POM121C: variants seen among roughly 807,000 people sequenced by gnomAD.
POM121C encodes the protein POM121 transmembrane nucleoporin C.
In POM121C, 20 loss-of-function variants were observed where a neutral mutation model predicts 66.4. The ratio of observed to expected loss-of-function variants is 0.30; its 90% confidence interval spans 0.21 to 0.44. The LOEUF is 0.44. POM121C is among the 20% of genes least tolerant of loss of function. The pLI, the probability that POM121C is intolerant of heterozygous loss-of-function variation, is 1.00. For missense variants in POM121C, 580 were observed against 1,225.7 expected (o/e 0.47, Z 7.87); for synonymous variants, 286 against 528.0 (o/e 0.54, Z 6.28).
intron 3 of POM121C, among the ~76,000 whole-genome samples, chr7:75,467,798 T>G (rs1554478071): frequency 6.6e-6 from 1 of 152,028 alleles, no homozygotes; most frequent in African/African-American, 2.4e-5. Context: ...ATTGAGCACC[T>G]ACCTATGTGT....
At chr7:75,424,483 A>T in intron 11 of POM121C, 43 bp downstream of exon 11, 1 of 1,593,596 alleles carries the variant, frequency 6.3e-7, no homozygotes, top group Non-Finnish European at 8.6e-7. Flanking sequence ...AAGAAAACAG[A>T]CACCTGAAAC....
chr7:75,480,965 G>A (rs3100020), intron 1 of POM121C, among the ~76,000 whole-genome samples: 1 of 113,684 alleles, frequency 8.8e-6, no homozygotes, highest in African/African-American at 3.3e-5. Flanking sequence ...TTTATGAGCT[G>A]TAATCTAAAA....
chr7:75,469,735 C>A (rs1432977382), intron 3 of POM121C, among the ~76,000 whole-genome samples: 1 of 152,156 alleles, frequency 6.6e-6, no homozygotes, highest in African/African-American at 2.4e-5. Context: ...GAACTTCGCT[C>A]CAGCCTCATT....
At chr7:75,447,635 G>A (rs1166135201) in intron 3 of POM121C, among the ~76,000 whole-genome samples, 4 of 152,030 alleles carry the variant, frequency 2.6e-5, no homozygotes, top group Non-Finnish European at 4.4e-5. Flanking sequence ...TAAAAGCTGG[G>A]AGACACTTTG....
At chr7:75,442,651 G>A (rs1554474262) in intron 3 of POM121C, 2 of 1,476,834 alleles carry the variant, frequency 1.4e-6, no homozygotes, top group Non-Finnish European at 1.8e-6. Flanking sequence ...CCCGGCCCCG[G>A]CCGTCCCTGA....
At position 75,417,352 on chromosome 7, in the gene POM121C, G is replaced by C; in HGVS notation, c.*1444C>G. On this transcript the variant is annotated 3_prime_UTR_variant, in exon 15 of 15. Transcript: ENST00000615331. The stretch of plus-strand genomic sequence containing the variant: ...CTATACAGCTAATTCCTAGTTAATA[G>C]CATTTATACTTAACCACCTCAATGA... 1 of 865,162 alleles carries C rather than the reference G, an allele frequency of 1.2e-6. No individual in the cohort carries two copies. The highest frequency in any genetic ancestry group is 1.4e-6 in the Non-Finnish European group (1 of 720,062). The allele number at this position is 865,162 out of a possible 1,614,324, so 53.6% of individuals were successfully genotyped here.
intron 3 of POM121C, among the ~76,000 whole-genome samples, chr7:75,461,458 C>T (rs1791438661): frequency 6.6e-6 from 1 of 152,088 alleles, no homozygotes; most frequent in South Asian, 2.1e-4. Flanking sequence ...CTTTCTGTCG[C>T]CCAGGCTGGA....
intron 14 of POM121C, 124 bp downstream of exon 14, chr7:75,419,196 A>T: frequency 7.0e-7 from 1 of 1,427,630 alleles, no homozygotes; most frequent in Non-Finnish European, 9.3e-7. Context: ...TGTACTCCTA[A>T]CCCGAAATGT....
chr7:75,434,463 GA>G (rs1334202191), intron 7 of POM121C, among the ~76,000 whole-genome samples: 1 of 151,944 alleles, frequency 6.6e-6, no homozygotes. Flanking sequence ...TTTTAGTAGA[GA>G]TGGGGTTTTG....
At chr7:75,433,234 C>CAAAAAAA (rs782004307) in intron 7 of POM121C, among the ~76,000 whole-genome samples, 3 of 44,248 alleles carry the variant, frequency 6.8e-5, no homozygotes, top group Admixed American at 3.8e-4. Flanking sequence ...GACTCTGTCT[C>CAAAAAAA]AAAAAAAAAA....
intron 1 of POM121C, among the ~76,000 whole-genome samples, chr7:75,481,915 C>G (rs1246097502): frequency 2.0e-5 from 3 of 152,058 alleles, no homozygotes; most frequent in Non-Finnish European, 4.4e-5. Flanking sequence ...CAAATCACAG[C>G]AATAGTAAAT....
intron 3 of POM121C, among the ~76,000 whole-genome samples, chr7:75,444,573 G>A (rs879942472): frequency 0.15 from 15,417 of 101,748 alleles, 79 homozygotes; most frequent in East Asian, 0.3. Context: ...AAATAGAGAG[G>A]TCCATAGCCT....
chr7:75,417,220 A>G lies in POM121C; in HGVS notation c.*1576T>C. On this transcript the variant is annotated 3_prime_UTR_variant, in exon 15 of 15. Transcript: ENST00000615331. ...GTTACATCTACATCACATTATTTAT[A>G]AAATAAGAATTACATTTCATATAAC... The G allele has an allele frequency of 3.2e-6, 3 of 951,642 alleles. No individual in the cohort carries two copies. Among genetic ancestry groups the G allele is most frequent in the Non-Finnish European group, 3.8e-6 (3 of 797,824 alleles). 58.9% of individuals were successfully genotyped at this position (951,642 alleles called of 1,614,324 possible).
At chr7:75,443,584 GT>G (rs1328304468) in intron 3 of POM121C, among the ~76,000 whole-genome samples, 126 of 133,802 alleles carry the variant, frequency 9.4e-4, no homozygotes, top group African/African-American at 2.8e-3. Context: ...TATAAGCTCT[GT>G]TTAGTAAGGA....
intron 7 of POM121C, among the ~76,000 whole-genome samples, chr7:75,433,234 CAAAAAAAAAAAA>C (rs782004307): frequency 4.5e-5 from 2 of 44,254 alleles, no homozygotes; most frequent in East Asian, 6.3e-4. Flanking sequence ...GACTCTGTCT[CAAAAAAAAAAAA>C]AAAAAAAAAA....
At chr7:75,465,233 G>A (rs1791584804) in intron 3 of POM121C, among the ~76,000 whole-genome samples, 1 of 151,944 alleles carries the variant, frequency 6.6e-6, no homozygotes, top group South Asian at 2.1e-4. Context: ...GACCTCAGGT[G>A]ATCTGCTCGC....
intron 3 of POM121C, among the ~76,000 whole-genome samples, chr7:75,471,943 C>T (rs1179737523): frequency 2.0e-5 from 3 of 151,914 alleles, no homozygotes; most frequent in African/African-American, 2.4e-5. Flanking sequence ...TGGAGTGCAG[C>T]GGTGTGATCT....
Position 75,475,185 on chromosome 7 carries a change from G to T in POM121C, c.-454C>A, listed in dbSNP as rs1792030375. ...ACAGCCACATCTTTGAATGACACTG[G>T]CCCCTGTAATGGCAACATGATCAGA... is the stretch of plus-strand genomic sequence containing the variant. On this transcript the variant is annotated 5_prime_UTR_variant, in exon 2 of 15. Transcript: ENST00000615331. The T allele has an allele frequency of 1.1e-5, 17 of 1,479,054 alleles. No individual in the cohort carries two copies. Among genetic ancestry groups the T allele is most frequent in the Non-Finnish European group, 1.3e-5 (14 of 1,072,814 alleles). 91.6% of individuals were successfully genotyped at this position (1,479,054 alleles called of 1,614,324 possible).
intron 3 of POM121C, among the ~76,000 whole-genome samples, chr7:75,444,450 G>T (rs1790769006): frequency 6.7e-6 from 1 of 149,734 alleles, no homozygotes; most frequent in African/African-American, 2.4e-5. Context: ...GTCTAGGTCA[G>T]TAGGGGCTCT....
Sources: gnomAD v4.1 joint callset for allele counts (sites outside exome capture counted in the v4.1 genomes callset) on GRCh38, gnomAD v4.1.1 for gene constraint, MANE v1.5 for transcripts, NCBI Gene and HGNC (gene_info 2026-07-23, HGNC 2026-07-21) for gene names.